MVB12B: variants seen among roughly 807,000 people sequenced by gnomAD.
The protein encoded by MVB12B is ESCRT-I complex subunit MVB12B.
MVB12B carries 16 observed loss-of-function variants against 41.6 expected under a neutral mutation model. The observed-to-expected ratio is 0.38, with a 90% CI of 0.26 to 0.58. The LOEUF is 0.58. MVB12B is among the 20% of genes least tolerant of loss of function. MVB12B has a pLI of 0.62. For missense variants in MVB12B, 274 were observed against 380.2 expected, an observed-to-expected ratio of 0.72 and a Z score of 2.32; for synonymous variants, 133 against 139.7, an observed-to-expected ratio of 0.95 and a Z score of 0.34.
At chr9:126,347,643 C>T (rs1030033340) in intron 2 of MVB12B, among the ~76,000 whole-genome samples, 14 of 152,150 alleles carry the variant, frequency 9.2e-5, no homozygotes, top group Admixed American at 5.2e-4. Context: ...TATTCTTTTA[C>T]TTACTAAAGT....
chr9:126,435,253 C>T (rs185335314), intron 7 of MVB12B, among the ~76,000 whole-genome samples: 71 of 152,290 alleles, frequency 4.7e-4, no homozygotes, highest in Non-Finnish European at 6.5e-4. Flanking sequence ...TACCAGAAGG[C>T]ACTGGTCTCA....
intron 2 of MVB12B, among the ~76,000 whole-genome samples, chr9:126,364,973 C>CT (rs1830128434): frequency 6.6e-6 from 1 of 151,964 alleles, no homozygotes; most frequent in African/African-American, 2.4e-5. Flanking sequence ...AGGATGGTCT[C>CT]TATCTCCTGA....
intron 7 of MVB12B, among the ~76,000 whole-genome samples, chr9:126,472,129 T>C (rs1363827771): frequency 6.6e-6 from 1 of 152,108 alleles, no homozygotes; most frequent in Non-Finnish European, 1.5e-5. Context: ...TCTGAGCAGC[T>C]AGGTATTCCG....
chr9:126,375,029 G>A (rs1280198368), intron 2 of MVB12B, among the ~76,000 whole-genome samples: 1 of 152,028 alleles, frequency 6.6e-6, no homozygotes, highest in Non-Finnish European at 1.5e-5. Context: ...CACTTTTTAA[G>A]ATTTTTTTCC....
intron 6 of MVB12B, among the ~76,000 whole-genome samples, chr9:126,409,922 G>A (rs1831579667): frequency 1.3e-5 from 2 of 152,316 alleles, no homozygotes; most frequent in African/African-American, 4.8e-5. Flanking sequence ...AACTCTAGTG[G>A]CCCACTGTAA....
intron 6 of MVB12B, among the ~76,000 whole-genome samples, chr9:126,417,897 C>G (rs367951005): frequency 6.6e-6 from 1 of 152,026 alleles, no homozygotes; most frequent in African/African-American, 2.4e-5. Flanking sequence ...TTTGGAGAGT[C>G]GGTAAGGAAG....
chr9:126,463,662 T>C (rs1044958318), intron 7 of MVB12B, among the ~76,000 whole-genome samples: 1 of 152,148 alleles, frequency 6.6e-6, no homozygotes, highest in East Asian at 1.9e-4. Flanking sequence ...CCCAGGTGGC[T>C]GTCCCCTGAG....
intron 7 of MVB12B, among the ~76,000 whole-genome samples, chr9:126,445,984 C>T (rs901917460): frequency 3.3e-5 from 5 of 152,146 alleles, no homozygotes; most frequent in Admixed American, 1.3e-4. Context: ...TTGGCTAAAA[C>T]ATTGAAAGCA....
chr9:126,357,676 TG>T (rs1829919010), intron 2 of MVB12B, among the ~76,000 whole-genome samples: 1 of 152,184 alleles, frequency 6.6e-6, no homozygotes, highest in African/African-American at 2.4e-5. Flanking sequence ...TGCTTTTCAC[TG>T]GGTTATTTGT....
rs984851449 is a variant in MVB12B at position 126,468,699 on chromosome 9, G to A, written c.758-12670G>A. 6.6e-6 allele frequency among the ~76,000 whole-genome samples: 1 copy of A among 152,192 alleles called. No homozygotes were observed. Among genetic ancestry groups the A allele is most frequent in the Admixed American group, 6.5e-5 (1 of 15,270 alleles). On this transcript the variant is annotated intron_variant, in intron 7 of 9. Coordinates refer to ENST00000361171, the MANE Select transcript of MVB12B (RefSeq NM_033446.3). The surrounding 1 kb of genome is among the most constrained non-coding windows in gnomAD (Gnocchi z 4.3). ...TGTTCCTGCTCCAGCCTCACTCCCT[G>A]TAATTCATTCTCCTCTCCATAGCCA...
intron 2 of MVB12B, among the ~76,000 whole-genome samples, chr9:126,358,254 C>T (rs182274484): frequency 6.6e-6 from 1 of 151,888 alleles, no homozygotes; most frequent in East Asian, 1.9e-4. Context: ...AGTCTTTTAA[C>T]TTTATTCTTT....
At chr9:126,487,188 T>C (rs1376268115) in intron 9 of MVB12B, among the ~76,000 whole-genome samples, 2 of 152,168 alleles carry the variant, frequency 1.3e-5, no homozygotes, top group African/African-American at 4.8e-5. Context: ...ACGATCAGGA[T>C]AGTAATAATA....
Position 126,376,579 on chromosome 9 carries a change from A to C in MVB12B, c.205-4485A>C, listed in dbSNP as rs1238511823. ...CCACCCTGGCGCTTTCCAGAGACAA[A>C]GCCCTCAGTGTCCAGTGTTCAGGGG... On this transcript the variant is annotated intron_variant, in intron 2 of 9. Coordinates refer to ENST00000361171, the MANE Select transcript of MVB12B (RefSeq NM_033446.3). This position sits in a 1 kb window ranked among gnomAD's most constrained non-coding sequence, Gnocchi z 4.1. The C allele has an allele frequency of 7.8e-7, 1 of 1,289,382 alleles. No individual in the cohort carries two copies. The highest frequency in any genetic ancestry group is 1.2e-5 in the South Asian group (1 of 81,028). 79.9% of individuals were successfully genotyped at this position (1,289,382 alleles called of 1,614,324 possible).
chr9:126,466,291 G>A (rs1833196577), intron 7 of MVB12B, among the ~76,000 whole-genome samples: 1 of 152,140 alleles, frequency 6.6e-6, no homozygotes, highest in Non-Finnish European at 1.5e-5. Context: ...GGCTCCAGGA[G>A]GCTTCTCTGA....
chr9:126,463,327 G>A (rs969097262), intron 7 of MVB12B, among the ~76,000 whole-genome samples: 2 of 152,212 alleles, frequency 1.3e-5, no homozygotes, highest in African/African-American at 4.8e-5. Context: ...GATACGAGTA[G>A]CTATGTGAGG....
chr9:126,428,757 TGA>T (rs1240754435), intron 7 of MVB12B, among the ~76,000 whole-genome samples: 1 of 151,976 alleles, frequency 6.6e-6, no homozygotes, highest in Non-Finnish European at 1.5e-5. Flanking sequence ...TGTGCTCGGG[TGA>T]GTGTGTGGGC....
intron 9 of MVB12B, among the ~76,000 whole-genome samples, chr9:126,490,430 G>A (rs1833707993): frequency 6.6e-6 from 1 of 152,290 alleles, no homozygotes; most frequent in South Asian, 2.1e-4. Context: ...ACAGGGCACC[G>A]GGCAGTGGAG....
chr9:126,375,377 T>TTTC (rs1830451842), intron 2 of MVB12B, among the ~76,000 whole-genome samples: 1 of 149,504 alleles, frequency 6.7e-6, no homozygotes, highest in African/African-American at 2.5e-5. Context: ...TTTTTTTTTT[T>TTTC]TTTTTGTCAA....
intron 7 of MVB12B, among the ~76,000 whole-genome samples, chr9:126,457,727 A>G (rs941858142): frequency 1.3e-5 from 2 of 151,920 alleles, no homozygotes; most frequent in African/African-American, 4.8e-5. Context: ...GAAAATAGGG[A>G]CGCGTCGCCT....
Sources: gnomAD v4.1 joint callset for allele counts (sites outside exome capture counted in the v4.1 genomes callset) on GRCh38, gnomAD v4.1.1 for gene constraint, Gnocchi (gnomAD v3.1) non-coding constraint, MANE v1.5 for transcripts, NCBI Gene and HGNC (gene_info 2026-07-23, HGNC 2026-07-21) for gene names.